The following MAP3K13 variants were observed in gnomAD, a reference collection of about 807,000 sequenced individuals.
MAP3K13 encodes the protein mitogen-activated protein kinase kinase kinase 13.
MAP3K13 carries 52 observed loss-of-function variants against 104.0 expected under a neutral mutation model. The ratio of observed to expected loss-of-function variants is 0.50; its 90% CI spans 0.40 to 0.63. The LOEUF is 0.63. Among genes scored for constraint, MAP3K13 ranks in the 20% least tolerant of loss-of-function variants. The pLI is 0.00. For synonymous variants in MAP3K13, 394 were observed against 442.2 expected, an observed-to-expected ratio of 0.89 and a Z score of 1.37; for missense variants, 914 against 1,218.5, an observed-to-expected ratio of 0.75 and a Z score of 3.72.
In MAP3K13 at chr3:185,418,041, C is replaced by T; in HGVS notation, c.-85-10456C>T. ...TTTCAGTCCAAATGCAGAAACGTCC[C>T]ACATGCCCACCAGGAGCAAGCTTCA... is the stretch of plus-strand genomic sequence containing the variant. On this transcript the variant is annotated intron_variant, in intron 1 of 13. Transcript: ENST00000265026. This position sits in a 1 kb window ranked among gnomAD's most constrained non-coding sequence, Gnocchi z 4.5. The T allele has an allele frequency of 6.2e-7, 1 of 1,611,882 alleles. No individual in the cohort carries two copies. The highest frequency in any genetic ancestry group is 8.5e-7 in the Non-Finnish European group (1 of 1,179,700).
chr3:185,452,356 T>C (rs1715938836), intron 7 of MAP3K13, among the ~76,000 whole-genome samples: 1 of 152,060 alleles, frequency 6.6e-6, no homozygotes, highest in African/African-American at 2.4e-5. Context: ...CCCAAGTACC[T>C]AGGACTACAA....
At chr3:185,457,588 AG>A (rs1716840339) in intron 7 of MAP3K13, among the ~76,000 whole-genome samples, 1 of 152,180 alleles carries the variant, frequency 6.6e-6, no homozygotes, top group Non-Finnish European at 1.5e-5. Context: ...ACTTCCCCAA[AG>A]CCCCACCTCC....
At position 185,395,653 on chromosome 3, in the gene MAP3K13, C is replaced by T. The variant is rs141405383; in HGVS notation, c.-86+32285C>T. Among the ~76,000 whole-genome samples, 556 of 150,238 alleles carry T rather than the reference C, an allele frequency of 3.7e-3. 7 individuals are homozygous for T. Among genetic ancestry groups the T allele is most frequent in the African/African-American group, 0.012 (503 of 40,950 alleles). ...GATTACAGGCGTGAGCCACCGTGCC[C>T]GGCCTTCAATATTATTTCTAATTCA... is the stretch of plus-strand genomic sequence containing the variant. On this transcript the variant is annotated intron_variant, in intron 1 of 13. Transcript: ENST00000265026.
rs141183076 is a variant in MAP3K13 at position 185,378,762 on chromosome 3, T to C, written c.-86+15394T>C. On this transcript the variant is annotated intron_variant, in intron 1 of 13. Transcript: ENST00000265026. ...AGCAGAGACTAGGGAGGGACCGACG[T>C]GTAAAAGAATGCCTGGATGTCAGGC... Among the ~76,000 whole-genome samples the C allele has an allele frequency of 3.8e-3, 582 of 152,130 alleles. 2 individuals are homozygous for C. Among genetic ancestry groups the C allele is most frequent in the African/African-American group, 0.014 (561 of 41,510 alleles).
chr3:185,479,359 T>G (rs568324601), intron 12 of MAP3K13, among the ~76,000 whole-genome samples: 1 of 152,270 alleles, frequency 6.6e-6, no homozygotes, highest in East Asian at 1.9e-4. Context: ...AGCCCAAGCC[T>G]CAGCTCTGCC....
intron 2 of MAP3K13, among the ~76,000 whole-genome samples, chr3:185,301,326 T>TA (rs59187265): frequency 0.45 from 68,133 of 151,046 alleles, 16,951 homozygotes; most frequent in Middle Eastern, 0.62. Context: ...TTTTTTTTTT[T>TA]TTATTATTGA....
chr3:185,478,957 G>A (rs1718294607), intron 12 of MAP3K13, among the ~76,000 whole-genome samples: 1 of 151,918 alleles, frequency 6.6e-6, no homozygotes, highest in East Asian at 1.9e-4. Context: ...AAAAGAAAAA[G>A]GAAGTCTTTA....
chr3:185,363,020 C>A, upstream of MAP3K13: 1 of 966,682 alleles, frequency 1.0e-6, no homozygotes, highest in Non-Finnish European at 1.2e-6. Flanking sequence ...TGGCAGATGC[C>A]TGATTGGCGG....
chr3:185,285,663 TTA>T (rs1219059133), intron 2 of MAP3K13: 16 of 1,531,604 alleles, frequency 1.0e-5, no homozygotes, highest in South Asian at 4.8e-5. Flanking sequence ...TGACTGTGTT[TTA>T]TGTTTGGTGA....
intron 10 of MAP3K13, among the ~76,000 whole-genome samples, chr3:185,472,324 T>C (rs1272989059): frequency 6.6e-6 from 1 of 150,486 alleles, no homozygotes; most frequent in Admixed American, 6.6e-5. Context: ...GCGATTCTCC[T>C]GCCTCAGCCT....
intron 1 of MAP3K13, among the ~76,000 whole-genome samples, chr3:185,407,256 G>A (rs963076259): frequency 2.6e-5 from 4 of 152,094 alleles, no homozygotes; most frequent in African/African-American, 9.7e-5. Flanking sequence ...ACTTTCTGGA[G>A]TGGGAATCTC....
At chr3:185,438,149 A>G (rs1358333910) in intron 3 of MAP3K13, among the ~76,000 whole-genome samples, 1 of 152,142 alleles carries the variant, frequency 6.6e-6, no homozygotes, top group Non-Finnish European at 1.5e-5. Context: ...TTTTTTAATT[A>G]GCTGAATGTG....
chr3:185,463,684 C>A, intron 8 of MAP3K13, 25 bp downstream of exon 8: 2 of 1,382,234 alleles, frequency 1.4e-6, no homozygotes, highest in South Asian at 2.4e-5. Context: ...CCTTCCCCAC[C>A]TCCCTTCATC....
In MAP3K13 at chr3:185,473,488, T is replaced by A. The variant is rs1364906878; in HGVS notation, c.2157T>A (p.Gly719=). The A allele has an allele frequency of 6.2e-7, 1 of 1,614,176 alleles. No individual in the cohort carries two copies. Among genetic ancestry groups the A allele is most frequent in the Non-Finnish European group, 8.5e-7 (1 of 1,180,036 alleles). ...CTGAGCCTGACAAGGGCCAAGCTGG[T>A]CCCTGGGGCTGTTGCCAGGCTGACG... ...RSSEPDKGQA[G]PWGCCQADAY... Residue 719 remains glycine, a synonymous_variant, in exon 11 of 14, where the codon GGT becomes GGA. Coordinates refer to ENST00000265026, the MANE Select transcript of MAP3K13 (RefSeq NM_004721.5). This position sits in a 1 kb window ranked among gnomAD's most constrained non-coding sequence, Gnocchi z 4.9.
intron 2 of MAP3K13, among the ~76,000 whole-genome samples, chr3:185,337,111 C>A (rs1722534666): frequency 6.6e-6 from 1 of 152,108 alleles, no homozygotes; most frequent in Admixed American, 6.5e-5. Context: ...CACTATGTTG[C>A]CCAGGCTGGT....
chr3:185,488,790 A>C lies in MAP3K13; in HGVS notation c.*6334A>C, dbSNP rs9848236. ...GAAGATGTCCCATCTTGCCCATATCACCCCAGTGGCTCTTCACCTTCAGAG... is the reference window on the plus strand; with the variant it reads ...GAAGATGTCCCATCTTGCCCATATCCCCCCAGTGGCTCTTCACCTTCAGAG... On this transcript the variant is annotated 3_prime_UTR_variant, in exon 14 of 14. Coordinates refer to ENST00000265026, the MANE Select transcript of MAP3K13 (RefSeq NM_004721.5). The C allele has an allele frequency of 6.6e-6, 1 of 152,102 alleles. No homozygotes were observed. Among genetic ancestry groups the C allele is most frequent in the African/African-American group, 2.4e-5 (1 of 41,424 alleles). 9.4% of individuals were successfully genotyped at this position (152,102 alleles called of 1,614,324 possible).
At chr3:185,417,588 C>G in intron 1 of MAP3K13, 2 of 1,601,644 alleles carry the variant, frequency 1.2e-6, no homozygotes, top group Non-Finnish European at 1.7e-6. Flanking sequence ...CCTTTTTTCC[C>G]ACCAGAGGCT....
intron 1 of MAP3K13, among the ~76,000 whole-genome samples, chr3:185,424,950 A>G (rs944165267): frequency 9.2e-5 from 14 of 151,948 alleles, no homozygotes; most frequent in African/African-American, 3.1e-4. Context: ...TCAGCCTTCC[A>G]CCCAAGTAGC....
Position 185,327,711 on chromosome 3 carries a change from C to T in MAP3K13, c.-86+42068C>T, listed in dbSNP as rs562125370. Among the ~76,000 whole-genome samples, 10 of 152,084 alleles carry T rather than the reference C, an allele frequency of 6.6e-5. No individual in the cohort carries two copies. The East Asian group carries it at 7.8e-4, about 12-fold the overall frequency. ...CAAATCACCTGAGGTCAGGAGTTTG[C>T]GACCAGCCTGGTCAACATGGTGAAA... is the stretch of plus-strand genomic sequence containing the variant. On this transcript the variant is annotated intron_variant, in intron 2 of 14. Coordinates refer to the MAP3K13 transcript ENST00000424227.
Sources: gnomAD v4.1 joint callset for allele counts (sites outside exome capture counted in the v4.1 genomes callset) on GRCh38, gnomAD v4.1.1 for gene constraint, Gnocchi (gnomAD v3.1) non-coding constraint, MANE v1.5 for transcripts, NCBI Gene and HGNC (gene_info 2026-07-23, HGNC 2026-07-21) for gene names.